DRC8: variants seen among roughly 807,000 people sequenced by gnomAD.
DRC8 encodes dynein regulatory complex subunit 8, also known as dynein regulatory complex protein 8.
the DRC8 span, among the ~76,000 whole-genome samples, chr1:245,005,539 C>T: frequency 6.6e-6 from 1 of 151,886 alleles, no homozygotes; most frequent in African/African-American, 2.4e-5. Context: ...GACGGGATTT[C>T]AACGTGTTGG....
chr1:245,060,548 G>A, the DRC8 span, among the ~76,000 whole-genome samples: 24 of 152,226 alleles, frequency 1.6e-4, 1 homozygote, highest in East Asian at 4.4e-3. Context: ...TTTACCAAGA[G>A]TAAGAGGAAA....
chr1:245,066,571 T>C, the DRC8 span, among the ~76,000 whole-genome samples: 1 of 152,174 alleles, frequency 6.6e-6, no homozygotes, highest in Admixed American at 6.5e-5. Context: ...AAAAGAAGCA[T>C]AGAATAATCA....
chr1:244,996,551 A>G, the DRC8 span, among the ~76,000 whole-genome samples: 16 of 152,168 alleles, frequency 1.1e-4, no homozygotes, highest in Admixed American at 3.9e-4. Context: ...TGTTCTAAGC[A>G]TTGTGTTAGA....
the DRC8 span, among the ~76,000 whole-genome samples, chr1:244,984,405 G>C: frequency 6.6e-6 from 1 of 152,158 alleles, no homozygotes; most frequent in Admixed American, 6.5e-5. Context: ...TAAATCCCTG[G>C]ATTTAGAAAA....
the DRC8 span, among the ~76,000 whole-genome samples, chr1:244,977,557 G>A: frequency 1.3e-5 from 2 of 152,036 alleles, no homozygotes; most frequent in African/African-American, 4.8e-5. Flanking sequence ...GAAGTCGGGG[G>A]TTCCCTCTGT....
chr1:245,080,363 G>C, the DRC8 span, among the ~76,000 whole-genome samples: 1 of 152,196 alleles, frequency 6.6e-6, no homozygotes, highest in Non-Finnish European at 1.5e-5. Context: ...CTAGTGCTAA[G>C]TGCCAAACAT....
chr1:245,048,756 C>T, the DRC8 span, among the ~76,000 whole-genome samples: 1 of 152,200 alleles, frequency 6.6e-6, no homozygotes, highest in East Asian at 1.9e-4. Flanking sequence ...CACCATTTTG[C>T]TAGACTATTT....
the DRC8 span, among the ~76,000 whole-genome samples, chr1:245,116,962 G>T: frequency 6.6e-6 from 1 of 152,206 alleles, no homozygotes; most frequent in Non-Finnish European, 1.5e-5. Context: ...AAAGAAAATT[G>T]TTTTTCTTCA....
the DRC8 span, chr1:244,970,609 C>A: frequency 3.7e-6 from 3 of 801,712 alleles, no homozygotes; most frequent in Non-Finnish European, 5.4e-6. Flanking sequence ...CGCCCTGCCC[C>A]CGTCCCCGTA....
At chr1:244,986,255 T>A in the DRC8 span, among the ~76,000 whole-genome samples, 82,379 of 151,746 alleles carry the variant, frequency 0.54, 24,110 homozygotes, top group East Asian at 0.75. Flanking sequence ...ATGCCTGGTC[T>A]GATTTAAATT....
chr1:245,060,892 A>G, the DRC8 span, among the ~76,000 whole-genome samples: 1 of 152,278 alleles, frequency 6.6e-6, no homozygotes, highest in Admixed American at 6.5e-5. Flanking sequence ...GCATGTAAAT[A>G]AAGTTTCACT....
At chr1:245,125,206 T>C in the DRC8 span, 2 of 152,256 alleles carry the variant, frequency 1.3e-5, no homozygotes, top group African/African-American at 4.8e-5. Context: ...ATTCGCCCAT[T>C]TAAAAAAGTG....
chr1:245,116,651 GT>G, the DRC8 span, among the ~76,000 whole-genome samples: 1 of 152,156 alleles, frequency 6.6e-6, no homozygotes, highest in African/African-American at 2.4e-5. Context: ...ATTGTTATTT[GT>G]TTTTTGTAAG....
the DRC8 span, among the ~76,000 whole-genome samples, chr1:245,069,445 G>A: frequency 6.6e-6 from 1 of 152,132 alleles, no homozygotes; most frequent in African/African-American, 2.4e-5. Context: ...TGGTCTTGCT[G>A]TTCCAGGGTA....
At chr1:244,975,326 A>C in the DRC8 span, among the ~76,000 whole-genome samples, 1 of 152,096 alleles carries the variant, frequency 6.6e-6, no homozygotes, top group East Asian at 1.9e-4. Flanking sequence ...GTAACTGTCG[A>C]TAGTATAGAG....
the DRC8 span, among the ~76,000 whole-genome samples, chr1:245,008,191 C>T: frequency 6.6e-6 from 1 of 151,898 alleles, no homozygotes; most frequent in Non-Finnish European, 1.5e-5. Context: ...AAGAAACAAA[C>T]AAAAACCCTG....
At chr1:244,971,292 C>T in the DRC8 span, among the ~76,000 whole-genome samples, 2 of 152,168 alleles carry the variant, frequency 1.3e-5, no homozygotes. Context: ...CCGCTGTGCG[C>T]CGGCCGGGCC....
At chr1:245,087,931 A>G in the DRC8 span, 1 of 423,682 alleles carries the variant, frequency 2.4e-6, no homozygotes, top group Non-Finnish European at 3.2e-6. Context: ...GTCACCATTT[A>G]TGGAGTAGCT....
chr1:244,984,412 A>C, the DRC8 span, among the ~76,000 whole-genome samples: 2 of 152,352 alleles, frequency 1.3e-5, no homozygotes, highest in African/African-American at 4.8e-5. Flanking sequence ...CTGGATTTAG[A>C]AAATGTGTAG....
Sources: allele counts gnomAD v4.1 joint callset (sites outside exome capture counted in the v4.1 genomes callset), GRCh38; gene constraint gnomAD v4.1.1; transcripts MANE v1.5; gene names NCBI Gene and HGNC (gene_info 2026-07-23, HGNC 2026-07-21).